The following MICU3 variants were observed in gnomAD, a reference collection of about 807,000 sequenced individuals.
The protein encoded by MICU3 is mitochondrial calcium uptake 3.
MICU3 carries 62 observed loss-of-function variants against 66.5 expected under a neutral mutation model. The observed-to-expected ratio is 0.93, with a 90% CI of 0.76 to 1.15. The LOEUF (loss-of-function observed/expected upper bound fraction) is 1.15. Ranked by LOEUF, MICU3 falls within the 50% of genes most tolerant of loss-of-function variation. The pLI is 0.00. For missense variants in MICU3, 779 were observed against 664.4 expected (o/e 1.17, Z -1.90); for synonymous variants, 308 against 240.7 (o/e 1.28, Z -2.59).
intron 11 of MICU3, among the ~76,000 whole-genome samples, chr8:17,112,655 A>C (rs1339652665): frequency 6.6e-6 from 1 of 152,220 alleles, no homozygotes; most frequent in Non-Finnish European, 1.5e-5. Flanking sequence ...CAGATGTTGA[A>C]CATTATAGTC....
At chr8:17,079,315 G>C (rs1468056952) in intron 4 of MICU3, among the ~76,000 whole-genome samples, 1 of 152,024 alleles carries the variant, frequency 6.6e-6, no homozygotes, top group Non-Finnish European at 1.5e-5. Flanking sequence ...TTGATTTTAA[G>C]TATTTTAAAT....
intron 1 of MICU3, among the ~76,000 whole-genome samples, chr8:17,037,110 A>G (rs1813158524): frequency 6.6e-6 from 1 of 152,100 alleles, no homozygotes; most frequent in African/African-American, 2.4e-5. Flanking sequence ...GGCTGCTCCG[A>G]CTGCGGGGCC....
chr8:17,036,323 C>CCAAA (rs1237224158), intron 1 of MICU3, among the ~76,000 whole-genome samples: 2 of 152,032 alleles, frequency 1.3e-5, no homozygotes, highest in Non-Finnish European at 2.9e-5. Context: ...CAGCGTGGAC[C>CCAAA]CAAAGAGTGA....
intron 11 of MICU3, among the ~76,000 whole-genome samples, chr8:17,112,845 G>A (rs72607371): frequency 0.094 from 14,295 of 152,204 alleles, 972 homozygotes; most frequent in East Asian, 0.38. Flanking sequence ...CAGAACCACA[G>A]CAGTGACTAG....
At chr8:17,128,680 A>G in the MICU3 span, among the ~76,000 whole-genome samples, 1 of 152,168 alleles carries the variant, frequency 6.6e-6, no homozygotes, top group Admixed American at 6.5e-5. Context: ...AGGGAAAACT[A>G]TGTGGTGGAA....
At chr8:17,045,841 A>T (rs1814980492) in intron 1 of MICU3, among the ~76,000 whole-genome samples, 1 of 152,200 alleles carries the variant, frequency 6.6e-6, no homozygotes, top group African/African-American at 2.4e-5. Context: ...ACTCCCCTTT[A>T]TAAAACTGTC....
At chr8:17,028,156 C>G (rs1037951438) in intron 1 of MICU3, among the ~76,000 whole-genome samples, 1 of 152,098 alleles carries the variant, frequency 6.6e-6, no homozygotes, top group Admixed American at 6.6e-5. Context: ...AACCTGCATG[C>G]TAACGCCCTT....
chr8:17,073,078 ACAGGGTTTTGCT>A (rs924507939), intron 3 of MICU3, among the ~76,000 whole-genome samples: 83 of 152,228 alleles, frequency 5.5e-4, no homozygotes, highest in African/African-American at 1.9e-3. Context: ...TTTAGTAGAG[ACAGGGTTTTGCT>A]CTGTCACCCA....
chr8:17,067,921 T>TGTGA (rs1554518947), intron 2 of MICU3, among the ~76,000 whole-genome samples: 2 of 85,196 alleles, frequency 2.3e-5, no homozygotes, highest in Non-Finnish European at 4.0e-5. Context: ...TGTTGAGATA[T>TGTGA]CTGTTGATTA....
At chr8:17,031,116 G>C (rs1271797761) in intron 1 of MICU3, among the ~76,000 whole-genome samples, 3 of 151,976 alleles carry the variant, frequency 2.0e-5, no homozygotes, top group Non-Finnish European at 4.4e-5. Context: ...TACTCAGGGG[G>C]CTGAGATAGG....
chr8:17,078,210 T>G (rs2150709089), intron 4 of MICU3, among the ~76,000 whole-genome samples: 1 of 152,174 alleles, frequency 6.6e-6, no homozygotes, highest in African/African-American at 2.4e-5. Context: ...ACAAAAATAC[T>G]AGATCTTCAA....
At chr8:17,039,363 G>A (rs1041708591) in intron 1 of MICU3, among the ~76,000 whole-genome samples, 1 of 152,150 alleles carries the variant, frequency 6.6e-6, no homozygotes, top group African/African-American at 2.4e-5. Flanking sequence ...TTTATAGTGA[G>A]GGAAGTTACA....
At chr8:17,107,078 T>G (rs1801807411) in intron 11 of MICU3, among the ~76,000 whole-genome samples, 1 of 152,170 alleles carries the variant, frequency 6.6e-6, no homozygotes, top group Non-Finnish European at 1.5e-5. Context: ...ACTATTTACT[T>G]GGCTTTATTC....
At chr8:17,051,863 G>A (rs189587112) in intron 1 of MICU3, among the ~76,000 whole-genome samples, 32 of 152,218 alleles carry the variant, frequency 2.1e-4, no homozygotes, top group African/African-American at 7.5e-4. Flanking sequence ...GAGAAAAATG[G>A]CAGGGAGGAG....
intron 1 of MICU3, among the ~76,000 whole-genome samples, chr8:17,055,282 A>G (rs1223694623): frequency 1.3e-5 from 2 of 152,218 alleles, no homozygotes; most frequent in Non-Finnish European, 2.9e-5. Context: ...AAGGTGATTT[A>G]GAAGTGTTAC....
intron 11 of MICU3, among the ~76,000 whole-genome samples, chr8:17,112,246 C>G (rs1802271917): frequency 6.6e-6 from 1 of 152,158 alleles, no homozygotes; most frequent in Non-Finnish European, 1.5e-5. Context: ...TATTCCGGTA[C>G]TCTCAGTGCA....
intron 7 of MICU3, among the ~76,000 whole-genome samples, chr8:17,090,088 A>G (rs904502241): frequency 6.6e-6 from 1 of 151,978 alleles, no homozygotes; most frequent in East Asian, 1.9e-4. Context: ...GGAGATGAGA[A>G]AACAGTCTTA....
the MICU3 span, among the ~76,000 whole-genome samples, chr8:17,133,693 G>A: frequency 6.6e-6 from 1 of 152,064 alleles, no homozygotes; most frequent in Non-Finnish European, 1.5e-5. Flanking sequence ...AAAAAATGAG[G>A]ACCTAGTTTG....
intron 1 of MICU3, among the ~76,000 whole-genome samples, chr8:17,038,171 G>A (rs2150511342): frequency 6.6e-6 from 1 of 152,200 alleles, no homozygotes; most frequent in East Asian, 1.9e-4. Flanking sequence ...AATGTGATTT[G>A]GGAGGGCCCA....
Sources: gnomAD v4.1 joint callset for allele counts (sites outside exome capture counted in the v4.1 genomes callset) on GRCh38, gnomAD v4.1.1 for gene constraint, MANE v1.5 for transcripts, NCBI Gene and HGNC (gene_info 2026-07-23, HGNC 2026-07-21) for gene names.